STYX: variants seen among roughly 807,000 people sequenced by gnomAD.
STYX encodes serine/threonine/tyrosine-interacting protein.
Under a neutral mutation model 42.7 loss-of-function variants are expected in STYX, and 20 were observed. The observed-to-expected ratio is 0.47, with a 90% CI of 0.33 to 0.68. The LOEUF (loss-of-function observed/expected upper bound fraction) is 0.68. Among genes scored for constraint, STYX ranks in the 30% least tolerant of loss-of-function variants. The pLI, the probability that STYX is intolerant of heterozygous loss-of-function variation, is 0.02. For synonymous variants in STYX, 78 were observed against 81.9 expected (o/e 0.95, Z 0.26); for missense variants, 226 against 268.5 (o/e 0.84, Z 1.11).
chr14:52,746,183 G>A (rs1041415916), intron 2 of STYX, among the ~76,000 whole-genome samples: 15 of 152,034 alleles, frequency 9.9e-5, no homozygotes, highest in African/African-American at 3.1e-4. Context: ...AATTCCAGCC[G>A]TTTGGGAGGC....
intron 1 of STYX, among the ~76,000 whole-genome samples, chr14:52,732,770 A>G (rs1265048553): frequency 6.6e-6 from 1 of 152,022 alleles, no homozygotes; most frequent in East Asian, 1.9e-4. Context: ...TCCCACGTTC[A>G]AAAGATTCTC....
At position 52,730,349 on chromosome 14, in the gene STYX, C is replaced by T. The variant is rs1344813128; in HGVS notation, c.-126C>T. 6.5e-6 allele frequency: 6 copies of T among 924,196 alleles called. No individual in the cohort carries two copies. The highest frequency in any genetic ancestry group is 8.5e-6 in the Non-Finnish European group (5 of 589,152). The allele number at this position is 924,196 out of a possible 1,614,324, so 57.2% of individuals were successfully genotyped here. On this transcript the variant is annotated 5_prime_UTR_variant, in exon 1 of 11. Coordinates refer to ENST00000354586, the MANE Select transcript of STYX (RefSeq NM_145251.4). ...GTAGTCTGCGTGTGTTAGTTGTAAT[C>T]CCGCCGCCCTCCTGTCAGCCCTCCG...
rs1420920060 is a variant in STYX at position 52,750,740 on chromosome 14, G to A, written c.202G>A (p.Glu68Lys). ...TATAATATGCATACGACAAAATATT[G>A]AAGCAAACTTTATTAAACCAAACTT... ...THIICIRQNIEANFIKPNFQQ... is the reference protein window; with the variant it reads ...THIICIRQNIKANFIKPNFQQ... The change falls in exon 4 of 11, where the codon GAA (glutamate) becomes AAA (lysine). Residue 68 changes from glutamate to lysine, a missense_variant. Physicochemically the swap from Glu to Lys is moderately conservative, Grantham distance 56. Transcript: ENST00000354586. 2 of 1,593,896 alleles carry A rather than the reference G, an allele frequency of 1.3e-6. No individual in the cohort carries two copies. Among genetic ancestry groups the A allele is most frequent in the Non-Finnish European group, 1.7e-6 (2 of 1,172,148 alleles).
rs117856845 is a variant in STYX, at chr14:52,769,378, T to G, written c.598+445T>G. On this transcript the variant is annotated intron_variant, in intron 10 of 10. Transcript: ENST00000354586. ...TCCTTTCCCAAGACCTTGCTACCTG[T>G]GTTTATCACCTTTGTTTCTCTCCCA... 1.3e-3 allele frequency among the ~76,000 whole-genome samples: 196 copies of G among 152,302 alleles called. 2 individuals are homozygous for G. Among genetic ancestry groups the G allele is most frequent in the Non-Finnish European group, 2.0e-3 (136 of 68,000 alleles).
Position 52,750,694 on chromosome 14 carries a change from A to G in STYX, c.156A>G (p.Leu52=), listed in dbSNP as rs1881577524. Residue 52 remains leucine (L), a synonymous_variant, in exon 4 of 11, where the codon CTA becomes CTG. Transcript: ENST00000354586. ...SSAMKSKLPV[L]QKHGITHIIC... ...TTTTTTTTATACAGCTACCTGTACT[A>G]CAGAAACATGGAATAACCCATATAA... 2 of 1,572,732 alleles carry G rather than the reference A, an allele frequency of 1.3e-6. No homozygotes were observed. The highest frequency in any genetic ancestry group is 1.9e-5 in the Admixed American group (1 of 51,812).
intron 10 of STYX, 73 bp downstream of exon 10, chr14:52,769,006 C>T: frequency 9.1e-7 from 1 of 1,099,878 alleles, no homozygotes; most frequent in Non-Finnish European, 1.3e-6. Context: ...CTACAAGTTA[C>T]ACTGAACAAT....
At chr14:52,742,063 A>G (rs1358894389) in intron 1 of STYX, among the ~76,000 whole-genome samples, 3 of 152,130 alleles carry the variant, frequency 2.0e-5, no homozygotes, top group Admixed American at 6.5e-5. Context: ...CAGGGATGCA[A>G]TCTACCCAGG....
chr14:52,766,223 A>G (rs1001727508), intron 9 of STYX, among the ~76,000 whole-genome samples: 6 of 152,000 alleles, frequency 3.9e-5, no homozygotes, highest in African/African-American at 1.5e-4. Context: ...TTAGAGTGCA[A>G]TGGGGCAATC....
rs1478757113 is a variant in STYX at position 52,773,033 on chromosome 14, A to G, written c.*1927A>G. 1.3e-5 allele frequency: 2 copies of G among 152,174 alleles called. No homozygotes were observed. Among genetic ancestry groups the G allele is most frequent in the African/African-American group, 4.8e-5 (2 of 41,422 alleles). The allele number at this position is 152,174 out of a possible 1,614,324, so 9.4% of individuals were successfully genotyped here. On this transcript the variant is annotated 3_prime_UTR_variant, in exon 11 of 11. Coordinates refer to ENST00000354586, the MANE Select transcript of STYX (RefSeq NM_145251.4). Reference sequence around the variant, plus strand: ...AGCAAAGATCTCTTACAGTGTAATAATAATCTATGATGCTTCATTTAGCAG... The same window carrying G: ...AGCAAAGATCTCTTACAGTGTAATAGTAATCTATGATGCTTCATTTAGCAG...
At chr14:52,760,838 C>T (rs1299634359) in intron 9 of STYX, among the ~76,000 whole-genome samples, 1 of 150,740 alleles carries the variant, frequency 6.6e-6, no homozygotes, top group Admixed American at 6.6e-5. Context: ...TTTGTGGATA[C>T]ATAGTAGGTT....
At chr14:52,759,536 T>A in intron 8 of STYX, 146 bp from the exon 9 acceptor site, 1 of 645,736 alleles carries the variant, frequency 1.5e-6, no homozygotes, top group Non-Finnish European at 2.7e-6. Flanking sequence ...CGTAAGCATA[T>A]AGCTGGTGAG....
intron 1 of STYX, among the ~76,000 whole-genome samples, chr14:52,738,196 TGA>T (rs1881037914): frequency 1.3e-5 from 2 of 152,216 alleles, no homozygotes; most frequent in South Asian, 4.1e-4. Flanking sequence ...AACTTTTCTG[TGA>T]GAGAAAGCTT....
rs1469763560 is a variant in STYX at position 52,772,220 on chromosome 14, G to C, written c.*1114G>C. On this transcript the variant is annotated 3_prime_UTR_variant, in exon 11 of 11. Transcript: ENST00000354586. Reference sequence around the variant, plus strand: ...ATATTAGTAAATTATTTGGAATATAGAATGTTTACTCTTTCTTTTTATGTT... The same window carrying C: ...ATATTAGTAAATTATTTGGAATATACAATGTTTACTCTTTCTTTTTATGTT... 1.1e-4 allele frequency: 16 copies of C among 152,066 alleles called. No homozygotes were observed. Among genetic ancestry groups the C allele is most frequent in the Admixed American group, 9.8e-4 (15 of 15,268 alleles). 9.4% of individuals were successfully genotyped at this position (152,066 alleles called of 1,614,324 possible).
At position 52,750,728 on chromosome 14, in the gene STYX, C is replaced by A; in HGVS notation, c.190C>A (p.Arg64=). 1 of 1,591,906 alleles carries A rather than the reference C, an allele frequency of 6.3e-7. No individual in the cohort carries two copies. The highest frequency in any genetic ancestry group is 1.4e-5 in the African/African-American group (1 of 73,734). Residue 64 remains arginine (R), a synonymous_variant, in exon 4 of 11, where the codon CGA becomes AGA. Transcript: ENST00000354586. ...KHGITHIICI[R]QNIEANFIKP... The stretch of plus-strand genomic sequence containing the variant: ...TGGAATAACCCATATAATATGCATA[C>A]GACAAAATATTGAAGCAAACTTTAT...
chr14:52,738,577 C>T (rs112849253), intron 1 of STYX, among the ~76,000 whole-genome samples: 2,379 of 152,252 alleles, frequency 0.016, 34 homozygotes, highest in Non-Finnish European at 0.028. Context: ...ACTTCAGTGG[C>T]TTTGAGTGTC....
At chr14:52,762,703 T>C (rs1341415894) in intron 9 of STYX, among the ~76,000 whole-genome samples, 3 of 152,118 alleles carry the variant, frequency 2.0e-5, no homozygotes, top group Non-Finnish European at 4.4e-5. Context: ...TGGAGTTACT[T>C]GTCTCTTAAT....
intron 9 of STYX, among the ~76,000 whole-genome samples, chr14:52,764,898 A>G (rs1882240678): frequency 6.6e-6 from 1 of 151,970 alleles, no homozygotes; most frequent in South Asian, 2.1e-4. Flanking sequence ...CGAATTCCTG[A>G]GATCATGTGA....
intron 9 of STYX, among the ~76,000 whole-genome samples, chr14:52,768,125 GTACCTACTC>G (rs1882380568): frequency 6.6e-6 from 1 of 152,084 alleles, no homozygotes; most frequent in African/African-American, 2.4e-5. Context: ...GCTATGAACT[GTACCTACTC>G]TGGCCCACAG....
intron 1 of STYX, among the ~76,000 whole-genome samples, chr14:52,732,236 G>C (rs1880752783): frequency 6.6e-6 from 1 of 150,594 alleles, no homozygotes; most frequent in African/African-American, 2.4e-5. Context: ...TGAGTAGCTG[G>C]GGATTACAGG....
Sources: gnomAD v4.1 joint callset for allele counts (sites outside exome capture counted in the v4.1 genomes callset) on GRCh38, gnomAD v4.1.1 for gene constraint, MANE v1.5 for transcripts, NCBI Gene and HGNC (gene_info 2026-07-23, HGNC 2026-07-21) for gene names.